Variants in LONP2 observed in about 807,000 individuals in gnomAD.
The protein encoded by LONP2 is lon protease homolog 2, peroxisomal.
In LONP2, 60 loss-of-function variants were observed where a neutral mutation model predicts 85.6. The ratio of observed to expected loss-of-function variants is 0.70; its 90% confidence interval spans 0.57 to 0.87. The LOEUF (loss-of-function observed/expected upper bound fraction) is 0.87, where lower values mean the gene tolerates loss of function less well. Ranked by LOEUF, LONP2 falls within the 40% of genes least tolerant of loss-of-function variation. The pLI is 0.00. For synonymous variants in LONP2, 395 were observed against 389.7 expected (o/e 1.01, Z -0.16); for missense variants, 860 against 1,063.5 (o/e 0.81, Z 2.66).
downstream of LONP2, chr16:48,360,643 T>A (rs1166820896): frequency 6.5e-6 from 1 of 152,682 alleles, no homozygotes; most frequent in African/African-American, 2.4e-5. Flanking sequence ...ATACTGTGCA[T>A]GACGATGCCT....
chr16:48,279,981 A>T (rs767786467), intron 8 of LONP2, among the ~76,000 whole-genome samples: 1 of 152,068 alleles, frequency 6.6e-6, no homozygotes, highest in Non-Finnish European at 1.5e-5. Context: ...CCTAATATTA[A>T]TTGCACTCTT....
chr16:48,283,140 A>G (rs1267189111), intron 8 of LONP2, among the ~76,000 whole-genome samples: 1 of 152,228 alleles, frequency 6.6e-6, no homozygotes, highest in Non-Finnish European at 1.5e-5. Context: ...TGCAGAAGAA[A>G]AATTTGAAGC....
intron 8 of LONP2, among the ~76,000 whole-genome samples, chr16:48,294,517 G>T (rs1034078333): frequency 6.6e-6 from 1 of 152,164 alleles, no homozygotes; most frequent in African/African-American, 2.4e-5. Context: ...TGTAATCCCT[G>T]CACTTTGGGA....
intron 11 of LONP2, among the ~76,000 whole-genome samples, chr16:48,327,055 G>A (rs1450865236): frequency 6.6e-6 from 1 of 152,170 alleles, no homozygotes; most frequent in Non-Finnish European, 1.5e-5. Flanking sequence ...GGGGTACACC[G>A]CATTTCACTC....
intron 8 of LONP2, among the ~76,000 whole-genome samples, chr16:48,277,746 C>G (rs1220402252): frequency 1.3e-5 from 2 of 151,926 alleles, no homozygotes; most frequent in Non-Finnish European, 2.9e-5. Flanking sequence ...TAGAGGCCAA[C>G]AATTCTACAC....
chr16:48,324,567 A>G (rs1185135643), intron 11 of LONP2, among the ~76,000 whole-genome samples: 1 of 152,258 alleles, frequency 6.6e-6, no homozygotes, highest in African/African-American at 2.4e-5. Context: ...ACTTGACAAA[A>G]TTAGCATTAA....
chr16:48,316,989 G>A (rs904035052), intron 11 of LONP2, among the ~76,000 whole-genome samples: 1 of 152,114 alleles, frequency 6.6e-6, no homozygotes, highest in African/African-American at 2.4e-5. Context: ...TCCTGTCAAG[G>A]CTGAGTTTTA....
downstream of LONP2, chr16:48,361,727 C>T: frequency 1.2e-6 from 2 of 1,614,174 alleles, no homozygotes; most frequent in Non-Finnish European, 1.7e-6. Flanking sequence ...CTTCCCAAGT[C>T]AATCGTCGCC....
At chr16:48,297,360 G>C (rs2150997068) in intron 9 of LONP2, among the ~76,000 whole-genome samples, 1 of 152,192 alleles carries the variant, frequency 6.6e-6, no homozygotes, top group East Asian at 1.9e-4. Context: ...ACCCAGGCTG[G>C]AATGCAGTGG....
At position 48,270,290 on chromosome 16, in the gene LONP2, C is replaced by T. The variant is rs769328184; in HGVS notation, c.1241+16C>T. On this transcript the variant is annotated intron_variant, in intron 7 of 14. Coordinates refer to ENST00000285737, the MANE Select transcript of LONP2 (RefSeq NM_031490.5). ...GAGGACACAGGTAGAACACTTCTCT[C>T]AGTTTAATCTCTGATTCCTCTTTCT... 1 of 1,610,762 alleles carries T rather than the reference C, an allele frequency of 6.2e-7. No homozygotes were observed. The highest frequency in any genetic ancestry group is 8.5e-7 in the Non-Finnish European group (1 of 1,177,780).
chr16:48,262,989 A>G, intron 6 of LONP2, 117 bp downstream of exon 6: 1 of 670,242 alleles, frequency 1.5e-6, no homozygotes. Context: ...TTTTGTTTTC[A>G]ATTTTTTTGA....
chr16:48,347,792 G>T (rs1378698220), intron 13 of LONP2, 78 bp downstream of exon 13: 6 of 1,338,076 alleles, frequency 4.5e-6, no homozygotes, highest in Non-Finnish European at 5.2e-6. Flanking sequence ...ATGAGCTCGA[G>T]ACTGCCAGTT....
chr16:48,290,605 A>G (rs1016337153), intron 8 of LONP2, among the ~76,000 whole-genome samples: 2 of 152,156 alleles, frequency 1.3e-5, no homozygotes, highest in African/African-American at 4.8e-5. Flanking sequence ...ATTTACTTGC[A>G]TTTACTGGTT....
chr16:48,348,426 CTA>C (rs551892319), intron 14 of LONP2, 136 bp downstream of exon 14: 51 of 365,494 alleles, frequency 1.4e-4, no homozygotes, highest in Non-Finnish European at 2.3e-4. Flanking sequence ...ATGCCTGTAA[CTA>C]ATTCATATTT....
At chr16:48,255,693 G>A (rs1364481078) in intron 2 of LONP2, among the ~76,000 whole-genome samples, 2 of 151,606 alleles carry the variant, frequency 1.3e-5, no homozygotes, top group African/African-American at 2.4e-5. Context: ...GAATTATGGG[G>A]GCGGTTCCCC....
At chr16:48,272,027 T>C (rs556134259) in intron 7 of LONP2, among the ~76,000 whole-genome samples, 221 of 152,340 alleles carry the variant, frequency 1.5e-3, no homozygotes, top group African/African-American at 5.0e-3. Flanking sequence ...GAATTAATGC[T>C]ATGTGAAATT....
At chr16:48,320,408 T>G (rs904876767) in intron 11 of LONP2, among the ~76,000 whole-genome samples, 3 of 152,140 alleles carry the variant, frequency 2.0e-5, no homozygotes, top group Non-Finnish European at 4.4e-5. Context: ...GAACTAAGGT[T>G]GCTGTTGAGG....
chr16:48,351,033 C>T (rs947841181), intron 14 of LONP2, among the ~76,000 whole-genome samples: 18 of 152,144 alleles, frequency 1.2e-4, no homozygotes, highest in African/African-American at 3.9e-4. Flanking sequence ...TGTTTCTTAC[C>T]GAGTCACAAA....
At chr16:48,280,871 G>A (rs1385457435) in intron 8 of LONP2, among the ~76,000 whole-genome samples, 1 of 152,122 alleles carries the variant, frequency 6.6e-6, no homozygotes, top group Non-Finnish European at 1.5e-5. Context: ...CTGTACAGAT[G>A]TTAATTTAAT....
Sources: allele counts gnomAD v4.1 joint callset (sites outside exome capture counted in the v4.1 genomes callset), GRCh38; gene constraint gnomAD v4.1.1; transcripts MANE v1.5; gene names NCBI Gene and HGNC (gene_info 2026-07-23, HGNC 2026-07-21).